The following CLVS1 variants were observed in gnomAD, a reference collection of about 807,000 sequenced individuals.
The protein encoded by CLVS1 is clavesin 1.
A neutral mutation model predicts 33.1 loss-of-function variants in CLVS1; 10 were observed. The ratio of observed to expected loss-of-function variants is 0.30; its 90% confidence interval spans 0.19 to 0.51. The LOEUF is 0.51. Among genes scored for constraint, CLVS1 ranks in the 20% least tolerant of loss-of-function variants. The pLI is 0.97. For synonymous variants in CLVS1, 163 were observed against 166.1 expected, an observed-to-expected ratio of 0.98 and a Z score of 0.14; for missense variants, 343 against 433.4, an observed-to-expected ratio of 0.79 and a Z score of 1.85.
chr8:61,329,880 AC>A (rs1228404087), intron 2 of CLVS1, among the ~76,000 whole-genome samples: 1 of 152,024 alleles, frequency 6.6e-6, no homozygotes, highest in Non-Finnish European at 1.5e-5. Context: ...TGCTCTATGC[AC>A]CCAGTACTGC....
chr8:61,104,292 CA>C (rs753523508), intron 1 of CLVS1, among the ~76,000 whole-genome samples: 4 of 152,190 alleles, frequency 2.6e-5, no homozygotes, highest in Non-Finnish European at 5.9e-5. Context: ...ATCATTTGGT[CA>C]ACTTCAAAGA....
At chr8:61,479,133 G>A (rs1404477057) in intron 5 of CLVS1, among the ~76,000 whole-genome samples, 2 of 152,116 alleles carry the variant, frequency 1.3e-5, no homozygotes, top group Non-Finnish European at 2.9e-5. Context: ...GGCCTGCCTC[G>A]CTATATTGCA....
chr8:61,440,079 C>T (rs957865768), intron 3 of CLVS1, among the ~76,000 whole-genome samples: 2 of 152,206 alleles, frequency 1.3e-5, no homozygotes, highest in African/African-American at 4.8e-5. Context: ...TGCATCTTCT[C>T]TTTCCCTCAA....
intron 2 of CLVS1, among the ~76,000 whole-genome samples, chr8:61,190,573 A>G (rs543529688): frequency 1.3e-5 from 2 of 152,336 alleles, no homozygotes; most frequent in Admixed American, 6.5e-5. Flanking sequence ...CAAAAAATCA[A>G]TGAATCCAGG....
chr8:61,435,893 CT>C (rs1288818782), intron 3 of CLVS1, among the ~76,000 whole-genome samples: 1 of 152,036 alleles, frequency 6.6e-6, no homozygotes, highest in Non-Finnish European at 1.5e-5. Context: ...CATCTTTCCC[CT>C]GATTGTAAGA....
intron 3 of CLVS1, among the ~76,000 whole-genome samples, chr8:61,435,103 T>C (rs1309283964): frequency 1.3e-5 from 2 of 152,286 alleles, no homozygotes; most frequent in Non-Finnish European, 1.5e-5. Context: ...GGTAGGAATT[T>C]GGGCAAGATA....
intron 1 of CLVS1, among the ~76,000 whole-genome samples, chr8:61,062,564 G>A (rs992088200): frequency 6.6e-6 from 1 of 152,152 alleles, no homozygotes; most frequent in African/African-American, 2.4e-5. Flanking sequence ...TGTTTTCATT[G>A]AGGGCTTGCT....
chr8:61,267,398 TA>T (rs1282428039), intron 2 of CLVS1, among the ~76,000 whole-genome samples: 1 of 152,206 alleles, frequency 6.6e-6, no homozygotes, highest in African/African-American at 2.4e-5. Context: ...CAAAATAGAA[TA>T]AAATAAGCCA....
the CLVS1 span, among the ~76,000 whole-genome samples, chr8:61,047,855 A>G: frequency 2.0e-5 from 3 of 152,158 alleles, no homozygotes; most frequent in African/African-American, 7.2e-5. Flanking sequence ...TGACGAGTTA[A>G]TGGGTGCAGC....
intron 2 of CLVS1, among the ~76,000 whole-genome samples, chr8:61,272,233 T>G (rs1179373490): frequency 1.3e-5 from 2 of 152,120 alleles, no homozygotes; most frequent in Non-Finnish European, 1.5e-5. Context: ...TAAAGGATTT[T>G]ATTTCTCCTT....
chr8:61,180,338 G>A (rs1354870024), intron 2 of CLVS1, among the ~76,000 whole-genome samples: 2 of 152,118 alleles, frequency 1.3e-5, no homozygotes, highest in Admixed American at 1.3e-4. Context: ...TGAAATTGAG[G>A]CAGTAATTAA....
At chr8:61,448,341 G>A (rs1015300010) in intron 3 of CLVS1, among the ~76,000 whole-genome samples, 6 of 151,816 alleles carry the variant, frequency 4.0e-5, no homozygotes, top group African/African-American at 9.7e-5. Flanking sequence ...TTCCAGCCTC[G>A]ATCTCTCTCC....
chr8:60,979,621 A>G, the CLVS1 span, among the ~76,000 whole-genome samples: 4 of 152,244 alleles, frequency 2.6e-5, no homozygotes, highest in Non-Finnish European at 4.4e-5. Context: ...ATGTGCTCAA[A>G]TCTGCACACA....
chr8:61,050,451 G>A, the CLVS1 span, among the ~76,000 whole-genome samples: 2 of 152,212 alleles, frequency 1.3e-5, no homozygotes, highest in East Asian at 3.8e-4. Flanking sequence ...GGCTGGAAAA[G>A]GACATTAAAC....
chr8:61,472,919 G>A lies in CLVS1; in HGVS notation c.977+14377G>A, dbSNP rs543923814. On this transcript the variant is annotated intron_variant, in intron 5 of 5. Coordinates refer to ENST00000325897, the MANE Select transcript of CLVS1 (RefSeq NM_173519.3). Reference sequence around the variant, plus strand: ...CTGCTGAAGACAGAGTGGTTAACCTGGCGGACACTGCCCCTGCAGTGTCTC... The same window carrying A: ...CTGCTGAAGACAGAGTGGTTAACCTAGCGGACACTGCCCCTGCAGTGTCTC... Among the ~76,000 whole-genome samples, 6 of 152,256 alleles carry A rather than the reference G, an allele frequency of 3.9e-5. No individual in the cohort carries two copies. The East Asian group carries it at 1.2e-3, about 29-fold the overall frequency.
intron 2 of CLVS1, among the ~76,000 whole-genome samples, chr8:61,322,635 C>T (rs1426648678): frequency 6.6e-6 from 1 of 152,044 alleles, no homozygotes; most frequent in Non-Finnish European, 1.5e-5. Context: ...TTGTTGTTAA[C>T]TGAAATGGAA....
the CLVS1 span, among the ~76,000 whole-genome samples, chr8:61,046,396 G>A: frequency 1.4e-5 from 2 of 146,428 alleles, no homozygotes; most frequent in South Asian, 4.4e-4. Flanking sequence ...CTGTAGCCTT[G>A]TAGTATAGTT....
intron 1 of CLVS1, among the ~76,000 whole-genome samples, chr8:61,097,198 A>C (rs1805366929): frequency 9.5e-6 from 1 of 105,312 alleles, no homozygotes; most frequent in Non-Finnish European, 1.9e-5. Context: ...CACCTCTATT[A>C]AAAATAAATA....
intron 5 of CLVS1, among the ~76,000 whole-genome samples, chr8:61,474,495 A>T (rs767782923): frequency 1.3e-5 from 2 of 152,062 alleles, no homozygotes; most frequent in African/African-American, 4.8e-5. Flanking sequence ...ATTTTCTTCT[A>T]TTTTCTGACT....
Sources: allele counts gnomAD v4.1 joint callset (sites outside exome capture counted in the v4.1 genomes callset), GRCh38; gene constraint gnomAD v4.1.1; transcripts MANE v1.5; gene names NCBI Gene and HGNC (gene_info 2026-07-23, HGNC 2026-07-21).